Variants in AGBL1 observed in about 807,000 individuals in gnomAD.
AGBL1 encodes cytosolic carboxypeptidase 4.
In AGBL1, 130 loss-of-function variants were observed where a neutral mutation model predicts 118.9. That is an observed-to-expected ratio of 1.09 (90% confidence interval 0.95 to 1.26). The LOEUF is 1.26. AGBL1 is among the 50% of genes most tolerant of loss of function. The pLI is 0.00. For missense variants in AGBL1, 1,584 were observed against 1,298.1 expected, an observed-to-expected ratio of 1.22 and a Z score of -3.38; for synonymous variants, 555 against 478.9, an observed-to-expected ratio of 1.16 and a Z score of -2.08.
At chr15:86,081,102 G>A (rs1354956445) in intron 1 of AGBL1, among the ~76,000 whole-genome samples, 1 of 152,168 alleles carries the variant, frequency 6.6e-6, no homozygotes, top group Non-Finnish European at 1.5e-5. Flanking sequence ...GGAGTGCAAT[G>A]GTGTGATCTC....
At chr15:86,253,178 A>T (rs1393534620) in intron 7 of AGBL1, among the ~76,000 whole-genome samples, 1 of 152,210 alleles carries the variant, frequency 6.6e-6, no homozygotes. Flanking sequence ...AGTTGGAGTC[A>T]TGGGCAGTGC....
intron 5 of AGBL1, among the ~76,000 whole-genome samples, chr15:86,201,102 T>A (rs1185606803): frequency 1.3e-5 from 2 of 152,162 alleles, no homozygotes; most frequent in African/African-American, 2.4e-5. Context: ...TAATTATATA[T>A]GATAAATAGT....
rs371664737 is a variant in AGBL1 at position 86,267,073 on chromosome 15, G to A, written c.1835G>A (p.Arg612His). 76 of 1,559,570 alleles carry A rather than the reference G, an allele frequency of 4.9e-5. No individual in the cohort carries two copies. In the African/African-American group the frequency reaches 6.7e-4, roughly 14 times the overall value. Reference protein sequence around the residue: ...SGNLRKAIQVREFEYDLLVNA... With the variant: ...SGNLRKAIQVHEFEYDLLVNA... ...AATCTTCGCAAAGCCATCCAAGTGC[G>A]TGAGTAAGTAAGGAAAACCACAGTG... The change falls in exon 13 of 23, where the codon CGT becomes CAT. Residue 612 changes from arginine to histidine, a missense_variant. By Grantham distance (29) the Arg-to-His change is conservative. Transcript: ENST00000614907.
intron 22 of AGBL1, among the ~76,000 whole-genome samples, chr15:86,763,964 T>C (rs574712581): frequency 4.4e-4 from 67 of 152,112 alleles, no homozygotes; most frequent in African/African-American, 1.4e-3. Context: ...AATAGGATTG[T>C]GGGATGGAAA....
At chr15:86,801,814 T>C (rs2078653940) in intron 22 of AGBL1, among the ~76,000 whole-genome samples, 1 of 151,980 alleles carries the variant, frequency 6.6e-6, no homozygotes, top group Non-Finnish European at 1.5e-5. Context: ...TACTAGTAAA[T>C]AGAAAAGATC....
chr15:86,332,845 C>G (rs970985976), intron 17 of AGBL1, among the ~76,000 whole-genome samples: 2 of 151,992 alleles, frequency 1.3e-5, no homozygotes, highest in Admixed American at 6.6e-5. Context: ...AGAAATTATA[C>G]CAATCATACT....
At chr15:86,242,263 C>T (rs945820900) in intron 6 of AGBL1, among the ~76,000 whole-genome samples, 2 of 151,766 alleles carry the variant, frequency 1.3e-5, no homozygotes, top group Non-Finnish European at 2.9e-5. Flanking sequence ...CAATAGAGAG[C>T]CATTGGAATA....
chr15:86,414,738 G>A (rs1244651917), intron 18 of AGBL1, among the ~76,000 whole-genome samples: 1 of 152,172 alleles, frequency 6.6e-6, no homozygotes, highest in African/African-American at 2.4e-5. Flanking sequence ...AAACTATCTA[G>A]AGGAACATTA....
chr15:87,025,153 T>G (rs1211124785), intron 24 of AGBL1, among the ~76,000 whole-genome samples: 2 of 151,898 alleles, frequency 1.3e-5, no homozygotes, highest in East Asian at 3.9e-4. Context: ...GAGAAAGAAA[T>G]AAAGGGCATC....
chr15:86,216,005 T>C (rs751874003), intron 5 of AGBL1, among the ~76,000 whole-genome samples: 1 of 152,228 alleles, frequency 6.6e-6, no homozygotes, highest in Non-Finnish European at 1.5e-5. Context: ...TTGTACTCTT[T>C]TTGCTGCTAA....
chr15:86,859,300 A>C (rs1341097083), intron 22 of AGBL1, among the ~76,000 whole-genome samples: 1 of 152,204 alleles, frequency 6.6e-6, no homozygotes, highest in Admixed American at 6.5e-5. Context: ...TGACCTAGAC[A>C]TTCACATCTG....
At chr15:86,786,606 A>G (rs2078416417) in intron 22 of AGBL1, among the ~76,000 whole-genome samples, 1 of 152,168 alleles carries the variant, frequency 6.6e-6, no homozygotes, top group South Asian at 2.1e-4. Context: ...ACCTAAAATA[A>G]CCATTATTCT....
At chr15:86,627,976 C>G (rs2084912665) in intron 21 of AGBL1, among the ~76,000 whole-genome samples, 1 of 152,194 alleles carries the variant, frequency 6.6e-6, no homozygotes, top group South Asian at 2.1e-4. Context: ...AAGGAAAACA[C>G]AGACACGGGG....
intron 5 of AGBL1, among the ~76,000 whole-genome samples, chr15:86,176,546 G>A (rs995409207): frequency 1.9e-4 from 29 of 152,318 alleles, no homozygotes; most frequent in South Asian, 2.1e-4. Flanking sequence ...AGAACACCGC[G>A]TGGGCTAGAG....
chr15:86,767,585 T>C (rs1027244688), intron 22 of AGBL1, among the ~76,000 whole-genome samples: 3 of 152,010 alleles, frequency 2.0e-5, no homozygotes, highest in East Asian at 1.9e-4. Flanking sequence ...ATAGCATTTA[T>C]TGAGCTTCAG....
intron 23 of AGBL1, among the ~76,000 whole-genome samples, chr15:86,948,682 T>C (rs978907690): frequency 6.6e-6 from 1 of 152,236 alleles, no homozygotes; most frequent in African/African-American, 2.4e-5. Context: ...TCTTTTCTGT[T>C]TGAGTGCCAA....
intron 22 of AGBL1, among the ~76,000 whole-genome samples, chr15:86,787,600 T>C (rs2078431961): frequency 6.6e-6 from 1 of 152,210 alleles, no homozygotes; most frequent in Non-Finnish European, 1.5e-5. Context: ...TCTTCTTTTT[T>C]AATGCTGGAT....
In AGBL1 at chr15:86,099,114, C is replaced by T. The variant is rs375811306; in HGVS notation, c.51+19091C>T. On this transcript the variant is annotated intron_variant, in intron 1 of 22. Transcript: ENST00000614907. The stretch of plus-strand genomic sequence containing the variant: ...GAGAAAAGTTTATAGCAATAAATGC[C>T]TACTTCAAAAAAGTAGAAAATACTT... 2.6e-5 allele frequency among the ~76,000 whole-genome samples: 4 copies of T among 152,176 alleles called. No homozygotes were observed. In the South Asian group the frequency reaches 6.2e-4, roughly 24 times the overall value.
intron 22 of AGBL1, among the ~76,000 whole-genome samples, chr15:86,853,147 C>G (rs1596552589): frequency 6.6e-6 from 1 of 152,286 alleles, no homozygotes; most frequent in East Asian, 1.9e-4. Flanking sequence ...CCCAGATGAC[C>G]AGTCAAGTTT....
Sources: allele counts gnomAD v4.1 joint callset (sites outside exome capture counted in the v4.1 genomes callset), GRCh38; gene constraint gnomAD v4.1.1; transcripts MANE v1.5; gene names NCBI Gene and HGNC (gene_info 2026-07-23, HGNC 2026-07-21).